Variants in PELP1 observed in about 807,000 individuals in gnomAD.
The protein encoded by PELP1 is proline-, glutamic acid- and leucine-rich protein 1.
A neutral mutation model predicts 95.5 loss-of-function variants in PELP1; 32 were observed. The ratio of observed to expected loss-of-function variants is 0.34; its 90% CI spans 0.25 to 0.45. The LOEUF (loss-of-function observed/expected upper bound fraction) is 0.45, where lower values mean the gene tolerates loss of function less well. PELP1 is among the 20% of genes least tolerant of loss of function. PELP1 has a pLI of 1.00. For synonymous variants in PELP1, 668 were observed against 600.1 expected (o/e 1.11, Z -1.65); for missense variants, 1,358 against 1,444.8 (o/e 0.94, Z 0.97).
chr17:4,674,436 T>G, intron 13 of PELP1, 74 bp downstream of exon 13: 1 of 1,375,888 alleles, frequency 7.3e-7, no homozygotes, highest in East Asian at 2.3e-5. Context: ...GTATAGTAGG[T>G]AGGGGAGTCC....
Position 4,670,472 on chromosome 17 carries a change from C to T in PELP1, c.*967G>A, listed in dbSNP as rs1027790754. 1.3e-5 allele frequency: 2 copies of T among 152,246 alleles called. No individual in the cohort carries two copies. The highest frequency in any genetic ancestry group is 2.9e-5 in the Non-Finnish European group (2 of 68,116). 9.4% of individuals were successfully genotyped at this position (152,246 alleles called of 1,614,324 possible). On this transcript the variant is annotated 3_prime_UTR_variant, in exon 17 of 17. Transcript: ENST00000572293. ...AGGTGCGGTGTCTCATGCTTGTGAT[C>T]CCAGCACTTTGGGAGTCCAAGGCAG... is the stretch of plus-strand genomic sequence containing the variant.
rs1223787416 is a variant in PELP1, at chr17:4,677,798, C to T, written c.643-986G>A. 5.3e-5 allele frequency among the ~76,000 whole-genome samples: 8 copies of T among 151,920 alleles called. No individual in the cohort carries two copies. In the South Asian group the frequency reaches 8.3e-4, roughly 16 times the overall value. ...ACAAAAACTTAGCCGGGTGTGGTGG[C>T]GCATGCCTGTAGTCCCAGCTACTTG... On this transcript the variant is annotated intron_variant, in intron 5 of 16. Transcript: ENST00000572293.
At position 4,671,994 on chromosome 17, in the gene PELP1, G is replaced by A. The variant is rs757639487; in HGVS notation, c.2997C>T (p.Pro999=). The change falls in exon 16 of 17, where the codon CCC becomes CCT. Residue 999 remains proline (P), a synonymous_variant. Transcript: ENST00000572293. ...PESPPKVQPE[P]EPEPGLLLEV... ...CCAAAAGCAGCCCGGGTTCAGGTTC[G>A]GGTTCTGGCTGCACCTTTGGGGGAG... 4.0e-5 allele frequency: 62 copies of A among 1,550,492 alleles called. No individual in the cohort carries two copies. Among genetic ancestry groups the A allele is most frequent in the Admixed American group, 2.4e-4 (12 of 50,058 alleles).
intron 1 of PELP1, among the ~76,000 whole-genome samples, chr17:4,698,008 G>GC (rs1223259169): frequency 6.0e-5 from 8 of 133,598 alleles, no homozygotes; most frequent in African/African-American, 2.2e-4. Flanking sequence ...TTTCTGCAAG[G>GC]TTTTTTTTTT....
chr17:4,691,208 A>T, intron 2 of PELP1, 170 bp downstream of exon 2: 1 of 650,244 alleles, frequency 1.5e-6, no homozygotes, highest in Non-Finnish European at 2.7e-6. Context: ...GAGCTGGAAA[A>T]GGTAGGGTTC....
At chr17:4,693,641 T>A (rs2150564053) in intron 1 of PELP1, among the ~76,000 whole-genome samples, 1 of 152,264 alleles carries the variant, frequency 6.6e-6, no homozygotes. Context: ...AAGATGACCC[T>A]CAGGCAGGGA....
intron 3 of PELP1, among the ~76,000 whole-genome samples, chr17:4,683,434 A>T (rs1339127435): frequency 2.7e-5 from 4 of 150,034 alleles, no homozygotes; most frequent in African/African-American, 7.3e-5. Context: ...GTTAGCCAGG[A>T]TGGTCTCGAT....
In PELP1 at chr17:4,672,577, C is replaced by T. The variant is rs752639795; in HGVS notation, c.2414G>A (p.Gly805Asp). The change falls in exon 16 of 17, where the codon GGT becomes GAT. Residue 805 changes from glycine (G) to aspartate (D), a missense_variant. Coordinates refer to ENST00000572293, the MANE Select transcript of PELP1 (RefSeq NM_014389.3). Reference protein sequence around the residue: ...LPPLPPPPPSGATPPPIAPTG... With the variant: ...LPPLPPPPPSDATPPPIAPTG... ...GGGGGCTATAGGGGGTGGTGTGGCA[C>T]CTGAGGGTGGTGGGGGTGGCAGGGG... 1 of 1,244,538 alleles carries T rather than the reference C, an allele frequency of 8.0e-7. No homozygotes were observed. The highest frequency in any genetic ancestry group is 1.2e-5 in the South Asian group (1 of 83,562). 77.1% of individuals were successfully genotyped at this position (1,244,538 alleles called of 1,614,324 possible).
intron 3 of PELP1, among the ~76,000 whole-genome samples, chr17:4,688,499 C>G (rs1912984780): frequency 6.6e-6 from 1 of 152,146 alleles, no homozygotes; most frequent in African/African-American, 2.4e-5. Flanking sequence ...GGTAAAGTTT[C>G]AGGATACAAA....
At chr17:4,694,897 A>AGAGAATCGCTTGAACCCGG (rs1443377600) in intron 1 of PELP1, among the ~76,000 whole-genome samples, 5 of 150,866 alleles carry the variant, frequency 3.3e-5, no homozygotes, top group Non-Finnish European at 5.9e-5. Context: ...CTTGAACCTG[A>AGAGAATCGCTTGAACCCGG]GAGAATCGCT....
chr17:4,670,907 G>A lies in PELP1; in HGVS notation c.*532C>T, dbSNP rs1046269726. 2 of 155,640 alleles carry A rather than the reference G, an allele frequency of 1.3e-5. No individual in the cohort carries two copies. Among genetic ancestry groups the A allele is most frequent in the Non-Finnish European group, 2.8e-5 (2 of 70,648 alleles). The allele number at this position is 155,640 out of a possible 1,614,324, so 9.6% of individuals were successfully genotyped here. A position where few individuals can be genotyped will look rare whatever the true frequency, so the allele number is the denominator to read the frequency against. On this transcript the variant is annotated 3_prime_UTR_variant, in exon 17 of 17. Transcript: ENST00000572293. ...ACTACGGACACCCTTTCATCTTGGG[G>A]TAAGGTCCAAATTTCCCAGAATTCA...
chr17:4,685,363 TAGTC>T (rs1317163301), intron 3 of PELP1, among the ~76,000 whole-genome samples: 5 of 152,278 alleles, frequency 3.3e-5, no homozygotes, highest in Middle Eastern at 3.4e-3. Context: ...TCAGTCTCCT[TAGTC>T]AGTTCATCTT....
chr17:4,673,951 G>A lies in PELP1; in HGVS notation c.1583-277C>T. 1 of 437,054 alleles carries A rather than the reference G, an allele frequency of 2.3e-6. No individual in the cohort carries two copies. Among genetic ancestry groups the A allele is most frequent in the Non-Finnish European group, 4.2e-6 (1 of 239,932 alleles). The allele number at this position is 437,054 out of a possible 1,614,324, so 27.1% of individuals were successfully genotyped here. A position where few individuals can be genotyped will look rare whatever the true frequency, so the allele number is the denominator to read the frequency against. On this transcript the variant is annotated intron_variant, in intron 13 of 16. Transcript: ENST00000572293. This position sits in a 1 kb window ranked among gnomAD's most constrained non-coding sequence, Gnocchi z 5.7. ...ATCGGTTCTCCCCTTCCCATGGGAT[G>A]GGGTGGCAGGCAGTGAAATATATGG...
At position 4,673,008 on chromosome 17, in the gene PELP1, C is replaced by T. The variant is rs757798889; in HGVS notation, c.1983G>A (p.Arg661=). Residue 661 remains arginine, a synonymous_variant, in exon 16 of 17, where the codon AGG becomes AGA. Coordinates refer to ENST00000572293, the MANE Select transcript of PELP1 (RefSeq NM_014389.3). This position sits in a 1 kb window ranked among gnomAD's most constrained non-coding sequence, Gnocchi z 5.7. ...VPPPEAPSPF[R]APPFHPPGPM... is the part of the protein sequence containing the mutation. ...GGCCCGGAGGATGGAACGGTGGGGC[C>T]CTGAAGGGCGATGGGGCCTCAGGAG... 7.1e-6 allele frequency: 11 copies of T among 1,545,470 alleles called. No homozygotes were observed. Among genetic ancestry groups the T allele is most frequent in the Middle Eastern group, 1.8e-4 (1 of 5,680 alleles).
chr17:4,673,445 G>A lies in PELP1; in HGVS notation c.1650C>T (p.Asp550=), dbSNP rs1912322768. Residue 550 remains aspartate, a synonymous_variant, in exon 15 of 17, where the codon GAC becomes GAT. Coordinates refer to ENST00000572293, the MANE Select transcript of PELP1 (RefSeq NM_014389.3). The surrounding 1 kb of genome is among the most constrained non-coding windows in gnomAD (Gnocchi z 5.7). ...CACCCATGACCAGGGGGAGGACCAGGTCATGCAGTCTCTGAAAAGGACAGA... is the reference window on the plus strand; with the variant it reads ...CACCCATGACCAGGGGGAGGACCAGATCATGCAGTCTCTGAAAAGGACAGA... ...IKEETHRRLH[D]LVLPLVMGVQ... 1 of 1,590,678 alleles carries A rather than the reference G, an allele frequency of 6.3e-7. No individual in the cohort carries two copies. Among genetic ancestry groups the A allele is most frequent in the Non-Finnish European group, 8.6e-7 (1 of 1,168,846 alleles).
chr17:4,683,410 C>G (rs112258559), intron 3 of PELP1, among the ~76,000 whole-genome samples: 2 of 151,458 alleles, frequency 1.3e-5, no homozygotes, highest in African/African-American at 2.4e-5. Flanking sequence ...TTAGTAGAGA[C>G]GGGGTTTCAC....
At chr17:4,689,055 C>A (rs1913003750) in intron 3 of PELP1, among the ~76,000 whole-genome samples, 1 of 152,124 alleles carries the variant, frequency 6.6e-6, no homozygotes, top group Non-Finnish European at 1.5e-5. Context: ...ATACTTACAC[C>A]CAACTGATCT....
At position 4,669,824 on chromosome 17, in the gene PELP1, GTTAT is replaced by G. The variant is rs542248111; in HGVS notation, c.*1611_*1614del. The G allele has an allele frequency of 1.9e-4, 29 of 151,492 alleles. No homozygotes were observed. The highest frequency in any genetic ancestry group is 2.1e-4 in the South Asian group (1 of 4,804). The allele number at this position is 151,492 out of a possible 1,614,324, so 9.4% of individuals were successfully genotyped here. ...ATATCACAATTATCACTGGATTACT[GTTAT>G]TTTTCTTAGGTTTGATAATGGTATC... On this transcript the variant is annotated 3_prime_UTR_variant, in exon 17 of 17. Coordinates refer to ENST00000572293, the MANE Select transcript of PELP1 (RefSeq NM_014389.3).
rs778366283 is a variant in PELP1, at chr17:4,703,951, G to A, written c.161C>T (p.Ala54Val). The A allele has an allele frequency of 1.2e-6, 2 of 1,613,616 alleles. No homozygotes were observed. The highest frequency in any genetic ancestry group is 1.1e-5 in the South Asian group (1 of 91,086). ...CGAGCGGTTTGGGGGATGCACCGGAGCAACGGCAGACCCCGTTCGAGGTTG... is the reference window on the plus strand; with the variant it reads ...CGAGCGGTTTGGGGGATGCACCGGAACAACGGCAGACCCCGTTCGAGGTTG... ...LLQPRTGSAV[A>V]PVHPPNRSAP... Residue 54 changes from alanine to valine, a missense_variant, in exon 1 of 17, where the codon GCT becomes GTT. Physicochemically the swap from Ala to Val is moderately conservative, Grantham distance 64. Around this residue, in one of 7 missense-constraint regions of PELP1, gnomAD observed 169 missense variants for 134.9 expected, o/e 1.25. Transcript: ENST00000572293.
Sources: allele counts gnomAD v4.1 joint callset (sites outside exome capture counted in the v4.1 genomes callset), GRCh38; gene constraint gnomAD v4.1.1; regional missense constraint gnomAD v4.1.1; non-coding constraint Gnocchi (gnomAD v3.1); transcripts MANE v1.5; gene names NCBI Gene and HGNC (gene_info 2026-07-23, HGNC 2026-07-21).